CBX8: variants seen among roughly 807,000 people sequenced by gnomAD.
CBX8 encodes chromobox 8.
A neutral mutation model predicts 39.7 loss-of-function variants in CBX8; 8 were observed. That is an observed-to-expected ratio of 0.20 (90% CI 0.12 to 0.36). The LOEUF is 0.36. Ranked by LOEUF, CBX8 falls within the 10% of genes least tolerant of loss-of-function variation. CBX8 has a pLI of 1.00. For synonymous variants in CBX8, 268 were observed against 219.8 expected (o/e 1.22, Z -1.94); for missense variants, 505 against 529.6 (o/e 0.95, Z 0.46).
At position 79,795,564 on chromosome 17, in the gene CBX8, G is replaced by A. The variant is rs779219875; in HGVS notation, c.247-6C>T. The A allele has an allele frequency of 2.5e-5, 38 of 1,508,992 alleles. No homozygotes were observed. The highest frequency in any genetic ancestry group is 1.8e-4 in the Middle Eastern group (1 of 5,516). 93.5% of individuals were successfully genotyped at this position (1,508,992 alleles called of 1,614,324 possible). A position where few individuals can be genotyped will look rare whatever the true frequency, so the allele number is the denominator to read the frequency against. On this transcript the variant is annotated splice_polypyrimidine_tract_variant and splice_region_variant and intron_variant, in intron 4 of 4. Coordinates refer to ENST00000269385, the MANE Select transcript of CBX8 (RefSeq NM_020649.3). The surrounding 1 kb of genome is among the most constrained non-coding windows in gnomAD (Gnocchi z 5.8). ...GCCTTTGCCTTGGCCTGCGCCTGCA[G>A]GAGAGAAGATGGTCTCAAGAGTGGG...
chr17:79,794,478 GGGGA>G lies in CBX8; in HGVS notation c.*153_*156del. ...GATAATCTTTCCAACAAAAACTGAG[GGGGA>G]GGAAGGAGGGATGAAAGGGGCTGGT... On this transcript the variant is annotated 3_prime_UTR_variant, in exon 5 of 5. Coordinates refer to ENST00000269385, the MANE Select transcript of CBX8 (RefSeq NM_020649.3). 1 of 518,302 alleles carries G rather than the reference GGGGA, an allele frequency of 1.9e-6. No homozygotes were observed. The highest frequency in any genetic ancestry group is 3.5e-6 in the Non-Finnish European group (1 of 289,778). 32.1% of individuals were successfully genotyped at this position (518,302 alleles called of 1,614,324 possible). A position where few individuals can be genotyped will look rare whatever the true frequency, so the allele number is the denominator to read the frequency against.
Position 79,795,286 on chromosome 17 carries a change from TTCCCGCTCCCTC to T in CBX8, c.507_518del (p.Glu177_Arg180del). The T allele has an allele frequency of 6.3e-7, 1 of 1,599,936 alleles. No homozygotes were observed. Among genetic ancestry groups the T allele is most frequent in the Non-Finnish European group, 8.5e-7 (1 of 1,173,244 alleles). ...TACCCCGCTCTCGTTCCCTCTCACG[TTCCCGCTCCCTC>T]TCTCGCTCCCTCTCCCTTTCTCGAT... is the stretch of plus-strand genomic sequence containing the variant. On this transcript the variant is annotated inframe_deletion, in exon 5 of 5. Coordinates refer to ENST00000269385, the MANE Select transcript of CBX8 (RefSeq NM_020649.3). The surrounding 1 kb of genome is among the most constrained non-coding windows in gnomAD (Gnocchi z 5.8).
Position 79,795,147 on chromosome 17 carries a change from C to T in CBX8, c.658G>A (p.Ala220Thr), listed in dbSNP as rs1380779373. Reference sequence around the variant, plus strand: ...CCCTTGAGGTACTCTCCGAGGCCGGCGCTGGGTTCGCCTAAGGGCCTCTGT... The same window carrying T: ...CCCTTGAGGTACTCTCCGAGGCCGGTGCTGGGTTCGCCTAAGGGCCTCTGT... ...PSQRPLGEPS[A>T]GLGEYLKGRK... is the part of the protein sequence containing the mutation. The change falls in exon 5 of 5, where the codon GCC (alanine) becomes ACC (threonine). Residue 220 changes from alanine to threonine, a missense_variant. By Grantham distance (58) the Ala-to-Thr change is moderately conservative. Coordinates refer to ENST00000269385, the MANE Select transcript of CBX8 (RefSeq NM_020649.3). The surrounding 1 kb of genome is among the most constrained non-coding windows in gnomAD (Gnocchi z 5.8). 5 of 1,613,670 alleles carry T rather than the reference C, an allele frequency of 3.1e-6. No individual in the cohort carries two copies. The highest frequency in any genetic ancestry group is 3.4e-6 in the Non-Finnish European group (4 of 1,179,928).
At chr17:79,796,625 C>G (rs1908103838) in intron 1 of CBX8, 85 bp from the exon 2 acceptor site, 1 of 1,467,292 alleles carries the variant, frequency 6.8e-7, no homozygotes, top group Non-Finnish European at 9.5e-7. Flanking sequence ...ATGCATGCAC[C>G]AGATGAATGC....
Position 79,796,589 on chromosome 17 carries a change from C to A in CBX8, c.70-49G>T, listed in dbSNP as rs753812039. ...TGTGTGCATGGGGAGAAACGCATGA[C>A]GAGGATACAAGAAATGCATGCGAAA... On this transcript the variant is annotated intron_variant, in intron 1 of 4. Coordinates refer to ENST00000269385, the MANE Select transcript of CBX8 (RefSeq NM_020649.3). 5 of 1,604,394 alleles carry A rather than the reference C, an allele frequency of 3.1e-6. No homozygotes were observed. The African/African-American group carries it at 5.4e-5, about 17-fold the overall frequency.
rs1403663730 is a variant in CBX8 at position 79,797,045 on chromosome 17, C to A, written c.-47G>T. 2.5e-6 allele frequency: 4 copies of A among 1,572,720 alleles called. No homozygotes were observed. The highest frequency in any genetic ancestry group is 3.5e-6 in the Non-Finnish European group (4 of 1,155,128). On this transcript the variant is annotated 5_prime_UTR_variant, in exon 1 of 5. Coordinates refer to ENST00000269385, the MANE Select transcript of CBX8 (RefSeq NM_020649.3). Reference sequence around the variant, plus strand: ...TTGGCCGCTTCCAGGAGCAGAAAAGCAGCAGCCAGCGCACGACAGACCATA... The same window carrying A: ...TTGGCCGCTTCCAGGAGCAGAAAAGAAGCAGCCAGCGCACGACAGACCATA...
rs768401480 is a variant in CBX8 at position 79,796,557 on chromosome 17, G to A, written c.70-17C>T. 17 of 1,613,900 alleles carry A rather than the reference G, an allele frequency of 1.1e-5. No homozygotes were observed. Among genetic ancestry groups the A allele is most frequent in the Admixed American group, 3.3e-5 (2 of 60,014 alleles). ...CATGCGTCCCTGCGGGTGCAAAGGCGATAATGTGTGTGCATGGGGAGAAAC... is the reference window on the plus strand; with the variant it reads ...CATGCGTCCCTGCGGGTGCAAAGGCAATAATGTGTGTGCATGGGGAGAAAC... On this transcript the variant is annotated splice_polypyrimidine_tract_variant and intron_variant, in intron 1 of 4. Transcript: ENST00000269385.
rs914688336 is a variant in CBX8 at position 79,793,685 on chromosome 17, A to T, written c.*950T>A. On this transcript the variant is annotated 3_prime_UTR_variant, in exon 5 of 5. Coordinates refer to ENST00000269385, the MANE Select transcript of CBX8 (RefSeq NM_020649.3). ...TCTCTTCTCCTGGCAAAGCTAGAGG[A>T]CGCGAAAAGGAAAAGTCCACCCCAA... is the stretch of plus-strand genomic sequence containing the variant. 5 of 152,230 alleles carry T rather than the reference A, an allele frequency of 3.3e-5. No homozygotes were observed. Among genetic ancestry groups the T allele is most frequent in the African/African-American group, 7.2e-5 (3 of 41,452 alleles). The allele number at this position is 152,230 out of a possible 1,614,324, so 9.4% of individuals were successfully genotyped here. A position where few individuals can be genotyped will look rare whatever the true frequency, so the allele number is the denominator to read the frequency against.
At position 79,794,995 on chromosome 17, in the gene CBX8, C is replaced by T. The variant is rs1598235142; in HGVS notation, c.810G>A (p.Glu270=). Residue 270 remains glutamate, a synonymous_variant, in exon 5 of 5, where the codon GAG becomes GAA. Transcript: ENST00000269385. ...QCGVTSPSSA[E]ATGKLAVDTF... The stretch of plus-strand genomic sequence containing the variant: ...TGTCCACAGCCAGTTTGCCCGTGGC[C>T]TCAGCTGAGCTAGGGCTGGTCACAC... 3 of 1,605,862 alleles carry T rather than the reference C, an allele frequency of 1.9e-6. No individual in the cohort carries two copies. Among genetic ancestry groups the T allele is most frequent in the Non-Finnish European group, 2.6e-6 (3 of 1,175,626 alleles).
chr17:79,796,570 C>T (rs771375273), intron 1 of CBX8, 30 bp from the exon 2 acceptor site: 1 of 1,613,272 alleles, frequency 6.2e-7, no homozygotes, highest in South Asian at 1.1e-5. Flanking sequence ...AATGTGTGTG[C>T]ATGGGGAGAA....
chr17:79,794,593 A>T lies in CBX8; in HGVS notation c.*42T>A, dbSNP rs757839842. The T allele has an allele frequency of 3.5e-6, 5 of 1,424,332 alleles. No homozygotes were observed. Among genetic ancestry groups the T allele is most frequent in the Non-Finnish European group, 3.8e-6 (4 of 1,054,242 alleles). 88.2% of individuals were successfully genotyped at this position (1,424,332 alleles called of 1,614,324 possible). A position where few individuals can be genotyped will look rare whatever the true frequency, so the allele number is the denominator to read the frequency against. ...AAATCACTATGCCAAGCTCACGCTC[A>T]CTCTCTCCCCTGCTCTCCTCCTGGA... On this transcript the variant is annotated 3_prime_UTR_variant, in exon 5 of 5. Coordinates refer to ENST00000269385, the MANE Select transcript of CBX8 (RefSeq NM_020649.3).
In CBX8 at chr17:79,796,323, G is replaced by C. The variant is rs1269843339; in HGVS notation, c.114-8C>G. ...GGTTCCCATGTGCTGTACCTAAAGGGAATCAGGAAGAAGTGGGCATCAGTC... is the reference window on the plus strand; with the variant it reads ...GGTTCCCATGTGCTGTACCTAAAGGCAATCAGGAAGAAGTGGGCATCAGTC... On this transcript the variant is annotated splice_polypyrimidine_tract_variant and splice_region_variant and intron_variant, in intron 2 of 4. Coordinates refer to ENST00000269385, the MANE Select transcript of CBX8 (RefSeq NM_020649.3). 6.2e-7 allele frequency: 1 copy of C among 1,614,104 alleles called. No individual in the cohort carries two copies. Among genetic ancestry groups the C allele is most frequent in the Non-Finnish European group, 8.5e-7 (1 of 1,179,982 alleles).
intron 1 of CBX8, 35 bp downstream of exon 1, chr17:79,796,895 G>T: frequency 6.4e-7 from 1 of 1,569,976 alleles, no homozygotes; most frequent in East Asian, 2.4e-5. Flanking sequence ...GGGAGGGCCC[G>T]GCCGCACGGA....
rs1908077217 is a variant in CBX8 at position 79,796,105 on chromosome 17, G to A, written c.198C>T (p.Leu66=). 1.2e-6 allele frequency: 2 copies of A among 1,614,192 alleles called. No individual in the cohort carries two copies. The highest frequency in any genetic ancestry group is 2.7e-5 in the African/African-American group (2 of 75,032). The change falls in exon 4 of 5, where the codon CTC becomes CTT. Residue 66 remains leucine (L), a synonymous_variant. Transcript: ENST00000269385. Reference sequence around the variant, plus strand: ...TGGGTCCACGCTTTTTGGGGCCATAGAGCTCCATCTCTCTTTCCCTGGAGA... The same window carrying A: ...TGGGTCCACGCTTTTTGGGGCCATAAAGCTCCATCTCTCTTTCCCTGGAGA... ...AFEEREREME[L]YGPKKRGPKP...
At position 79,795,177 on chromosome 17, in the gene CBX8, G is replaced by A; in HGVS notation, c.628C>T (p.Pro210Ser). Residue 210 changes from proline to serine, a missense_variant, in exon 5 of 5, where the codon CCC (proline) becomes TCC (serine). Coordinates refer to ENST00000269385, the MANE Select transcript of CBX8 (RefSeq NM_020649.3). This position sits in a 1 kb window ranked among gnomAD's most constrained non-coding sequence, Gnocchi z 5.8. ...GGTTCGCCTAAGGGCCTCTGTGAGGGGTCCGGGAGCTCCTTCCGGGGCTTG... is the reference window on the plus strand; with the variant it reads ...GGTTCGCCTAAGGGCCTCTGTGAGGAGTCCGGGAGCTCCTTCCGGGGCTTG... ...GPKPRKELPD[P>S]SQRPLGEPSA... 1 of 1,613,618 alleles carries A rather than the reference G, an allele frequency of 6.2e-7. No individual in the cohort carries two copies.
At position 79,795,414 on chromosome 17, in the gene CBX8, G is replaced by A. The variant is rs767271364; in HGVS notation, c.391C>T (p.Pro131Ser). The change falls in exon 5 of 5, where the codon CCG becomes TCG. Residue 131 changes from proline to serine, a missense_variant. Pro to Ser is a moderately conservative substitution (Grantham distance 74). Transcript: ENST00000269385. This position sits in a 1 kb window ranked among gnomAD's most constrained non-coding sequence, Gnocchi z 5.8. ...CTGGTGCTGGTGCTGCTCGCTGGCGGGGACAAACCCATGTTTCGAAGGCCC... is the reference window on the plus strand; with the variant it reads ...CTGGTGCTGGTGCTGCTCGCTGGCGAGGACAAACCCATGTTTCGAAGGCCC... ...REGLRNMGLS[P>S]PASSTSTSST... 1 of 1,604,560 alleles carries A rather than the reference G, an allele frequency of 6.2e-7. No homozygotes were observed. The highest frequency in any genetic ancestry group is 8.5e-7 in the Non-Finnish European group (1 of 1,176,512).
At position 79,797,034 on chromosome 17, in the gene CBX8, G is replaced by C. The variant is rs780625611; in HGVS notation, c.-36C>G. ...CGCTTCCCCCCTTGGCCGCTTCCAGGAGCAGAAAAGCAGCAGCCAGCGCAC... is the reference window on the plus strand; with the variant it reads ...CGCTTCCCCCCTTGGCCGCTTCCAGCAGCAGAAAAGCAGCAGCCAGCGCAC... On this transcript the variant is annotated 5_prime_UTR_variant, in exon 1 of 5. Transcript: ENST00000269385. 2 of 1,593,556 alleles carry C rather than the reference G, an allele frequency of 1.3e-6. No homozygotes were observed. Among genetic ancestry groups the C allele is most frequent in the East Asian group, 2.3e-5 (1 of 43,318 alleles).
Position 79,796,241 on chromosome 17 carries a change from G to T in CBX8, c.179+9C>A, listed in dbSNP as rs1318674280. The T allele has an allele frequency of 1.9e-6, 3 of 1,614,034 alleles. No homozygotes were observed. The highest frequency in any genetic ancestry group is 2.7e-5 in the African/African-American group (2 of 74,886). ...TAAGTGAGCGGCTGGGACTTGGAAG[G>T]GTCTGTACCTTTCCTCAAAGGCTGC... On this transcript the variant is annotated intron_variant, in intron 3 of 4. Coordinates refer to ENST00000269385, the MANE Select transcript of CBX8 (RefSeq NM_020649.3).
chr17:79,795,008 G>A lies in CBX8; in HGVS notation c.797C>T (p.Pro266Leu). The change falls in exon 5 of 5, where the codon CCT (proline) becomes CTT (leucine). Residue 266 changes from proline (P) to leucine (L), a missense_variant. Around this residue, in one of 3 missense-constraint regions of CBX8, gnomAD observed 456 missense variants for 389.2 expected, o/e 1.17. Coordinates refer to ENST00000269385, the MANE Select transcript of CBX8 (RefSeq NM_020649.3). This position sits in a 1 kb window ranked among gnomAD's most constrained non-coding sequence, Gnocchi z 5.8. ...TTTGCCCGTGGCCTCAGCTGAGCTA[G>A]GGCTGGTCACACCACACTGCACCAG... ...SDLVQCGVTS[P>L]SSAEATGKLA... is the part of the protein sequence containing the mutation. 1 of 1,606,886 alleles carries A rather than the reference G, an allele frequency of 6.2e-7. No individual in the cohort carries two copies. The highest frequency in any genetic ancestry group is 8.5e-7 in the Non-Finnish European group (1 of 1,176,254).
Sources: allele counts gnomAD v4.1 joint callset, GRCh38; gene constraint gnomAD v4.1.1; regional missense constraint gnomAD v4.1.1; non-coding constraint Gnocchi (gnomAD v3.1); transcripts MANE v1.5; gene names NCBI Gene and HGNC (gene_info 2026-07-23, HGNC 2026-07-21).